The following SRM variants were observed in gnomAD, a reference collection of about 807,000 sequenced individuals.
SRM encodes spermidine synthase, also known as putrescine aminopropyltransferase.
A neutral mutation model predicts 39.3 loss-of-function variants in SRM; 14 were observed. That is an observed-to-expected ratio of 0.36 (90% CI 0.24 to 0.56). The LOEUF (loss-of-function observed/expected upper bound fraction) is 0.56, where lower values mean the gene tolerates loss of function less well. Ranked by LOEUF, SRM falls within the 20% of genes least tolerant of loss-of-function variation. The pLI is 0.86. For missense variants in SRM, 244 were observed against 409.2 expected (o/e 0.60, Z 3.48); for synonymous variants, 195 against 173.1 (o/e 1.13, Z -0.99).
chr1:11,059,922 G>T lies in SRM; in HGVS notation c.22C>A (p.Pro8Thr). 1 of 1,296,846 alleles carries T rather than the reference G, an allele frequency of 7.7e-7. No homozygotes were observed. The highest frequency in any genetic ancestry group is 9.8e-7 in the Non-Finnish European group (1 of 1,020,994). The allele number at this position is 1,296,846 out of a possible 1,614,324, so 80.3% of individuals were successfully genotyped here. A position where few individuals can be genotyped will look rare whatever the true frequency, so the allele number is the denominator to read the frequency against. The stretch of plus-strand genomic sequence containing the variant: ...ATGGCGGCGGGGCCGGAGGCGGCGG[G>T]GCCGTCGGGGCCGGGCTCCATGGCG... MEPGPDG[P>T]AASGPAAIRE... Residue 8 changes from proline (P) to threonine (T), a missense_variant, in exon 1 of 8, where the codon CCC becomes ACC. Pro to Thr is a conservative substitution (Grantham distance 38, BLOSUM62 -1). Coordinates refer to ENST00000376957, the MANE Select transcript of SRM (RefSeq NM_003132.3).
intron 3 of SRM, 122 bp downstream of exon 3, chr1:11,058,678 A>C (rs1557683604): frequency 1.2e-6 from 1 of 821,804 alleles, no homozygotes; most frequent in East Asian, 2.9e-5. Flanking sequence ...CTCCCCGACC[A>C]GGTGTTTTCC....
At position 11,056,106 on chromosome 1, in the gene SRM, A is replaced by G. The variant is rs1235039581; in HGVS notation, c.536-12T>C. On this transcript the variant is annotated splice_polypyrimidine_tract_variant and intron_variant, in intron 4 of 7. Coordinates refer to ENST00000376957, the MANE Select transcript of SRM (RefSeq NM_003132.3). ...ACTTTCGGCGGGGCCTGGGGAAGACAGAGGGAGACACACTGAACAGTCTGG... is the reference window on the plus strand; with the variant it reads ...ACTTTCGGCGGGGCCTGGGGAAGACGGAGGGAGACACACTGAACAGTCTGG... The G allele has an allele frequency of 6.2e-7, 1 of 1,600,464 alleles. No homozygotes were observed. The highest frequency in any genetic ancestry group is 2.2e-5 in the East Asian group (1 of 44,776).
At chr1:11,058,275 A>T (rs1253377412) in intron 3 of SRM, among the ~76,000 whole-genome samples, 1 of 150,732 alleles carries the variant, frequency 6.6e-6, no homozygotes, top group Non-Finnish European at 1.5e-5. Context: ...AAATCAGCTT[A>T]GTCGGCTGGG....
At chr1:11,057,662 C>G (rs1032661721) in intron 3 of SRM, among the ~76,000 whole-genome samples, 1 of 149,832 alleles carries the variant, frequency 6.7e-6, no homozygotes, top group Non-Finnish European at 1.5e-5. Flanking sequence ...TCAGCTCAAA[C>G]GCCACCTCCT....
chr1:11,059,083 T>G, intron 2 of SRM, 142 bp downstream of exon 2: 1 of 1,466,354 alleles, frequency 6.8e-7, no homozygotes, highest in Non-Finnish European at 9.3e-7. Context: ...GCCGCGTCAG[T>G]GTCGGCCCCC....
intron 6 of SRM, 27 bp downstream of exon 6, chr1:11,055,754 C>T (rs777149842): frequency 6.5e-7 from 1 of 1,529,234 alleles, no homozygotes; most frequent in Admixed American, 2.0e-5. Context: ...TCCCCCCAAC[C>T]CCCACCCCCA....
At chr1:11,059,628 C>T (rs751034966) in intron 1 of SRM, 149 bp downstream of exon 1, 40 of 1,052,030 alleles carry the variant, frequency 3.8e-5, no homozygotes, top group Non-Finnish European at 5.3e-5. Flanking sequence ...CCAGCCCCAG[C>T]CCAGGGAGGC....
At position 11,059,957 on chromosome 1, in the gene SRM, G is replaced by A. The variant is rs1310990344; in HGVS notation, c.-14C>T. ...GCCGGGCTCCATGGCGGGCGGGCGG[G>A]CGGCGCGGGGCGCGGGCCCGGGACT... On this transcript the variant is annotated 5_prime_UTR_variant, in exon 1 of 8. Transcript: ENST00000376957. 14 of 1,000,956 alleles carry A rather than the reference G, an allele frequency of 1.4e-5. No individual in the cohort carries two copies. Among genetic ancestry groups the A allele is most frequent in the Non-Finnish European group, 1.7e-5 (14 of 840,202 alleles). The allele number at this position is 1,000,956 out of a possible 1,614,324, so 62.0% of individuals were successfully genotyped here. A position where few individuals can be genotyped will look rare whatever the true frequency, so the allele number is the denominator to read the frequency against.
chr1:11,058,821 C>A lies in SRM; in HGVS notation c.360G>T (p.Val120=). The part of the protein sequence containing the change: ...EVVKHPSVES[V]VQCEIDEDVI... ...TCACCTCGTCGATCTCACACTGGAC[C>A]ACGGACTCCACGGAGGGGTGCTTCA... Residue 120 remains valine (V), a synonymous_variant, in exon 3 of 8, where the codon GTG becomes GTT. Coordinates refer to ENST00000376957, the MANE Select transcript of SRM (RefSeq NM_003132.3). 6.2e-7 allele frequency: 1 copy of A among 1,611,418 alleles called. No homozygotes were observed. Among genetic ancestry groups the A allele is most frequent in the East Asian group, 2.2e-5 (1 of 44,836 alleles).
Position 11,054,851 on chromosome 1 carries a change from G to A in SRM, c.*14C>T. On this transcript the variant is annotated 3_prime_UTR_variant, in exon 8 of 8. Coordinates refer to ENST00000376957, the MANE Select transcript of SRM (RefSeq NM_003132.3). The surrounding 1 kb of genome is among the most constrained non-coding windows in gnomAD (Gnocchi z 4.8). ...GTCCGAGGTCCTGGGTGGCATCAGT[G>A]GTGGCGCCTGGGCTCAGCTCACATC... 1 of 1,600,478 alleles carries A rather than the reference G, an allele frequency of 6.2e-7. No homozygotes were observed.
chr1:11,059,494 G>C, intron 1 of SRM, 149 bp from the exon 2 acceptor site: 1 of 1,387,826 alleles, frequency 7.2e-7, no homozygotes, highest in Admixed American at 2.0e-5. Context: ...AACGGCAGGC[G>C]GGCCGCCGGG....
Position 11,056,088 on chromosome 1 carries a change from G to T in SRM, c.542C>A (p.Ala181Asp). The T allele has an allele frequency of 1.9e-6, 3 of 1,610,272 alleles. No homozygotes were observed. Among genetic ancestry groups the T allele is most frequent in the Non-Finnish European group, 2.5e-6 (3 of 1,178,058 alleles). Residue 181 changes from alanine to aspartate, a missense_variant, in exon 5 of 8, where the codon GCC (alanine) becomes GAC (aspartate). Physicochemically the swap from Ala to Asp is moderately radical, Grantham distance 126. Transcript: ENST00000376957. ...ATAGGACTCCTTGAAGAGACTTTCGGCGGGGCCTGGGGAAGACAGAGGGAG... is the reference window on the plus strand; with the variant it reads ...ATAGGACTCCTTGAAGAGACTTTCGTCGGGGCCTGGGGAAGACAGAGGGAG... ...ITDSSDPMGP[A>D]ESLFKESYYQ...
In SRM at chr1:11,054,890, A is replaced by G; in HGVS notation, c.889-5T>C. ...TCAGCTCACATCATTCAGGGCCTGG[A>G]GGGACATGAGGCCAGTCAGGAGGGC... On this transcript the variant is annotated splice_polypyrimidine_tract_variant and splice_region_variant and intron_variant, in intron 7 of 7. Transcript: ENST00000376957. The surrounding 1 kb of genome is among the most constrained non-coding windows in gnomAD (Gnocchi z 4.8). The G allele has an allele frequency of 6.2e-7, 1 of 1,610,824 alleles. No homozygotes were observed. The highest frequency in any genetic ancestry group is 8.5e-7 in the Non-Finnish European group (1 of 1,179,280).
chr1:11,056,832 T>G (rs926944461), intron 3 of SRM, 75 bp from the exon 4 acceptor site: 1 of 1,520,676 alleles, frequency 6.6e-7, no homozygotes, highest in Non-Finnish European at 9.0e-7. Flanking sequence ...CGTGGGACTC[T>G]CCAAGTGCCT....
chr1:11,055,912 G>A lies in SRM; in HGVS notation c.634C>T (p.Leu212=). The change falls in exon 6 of 8, where the codon CTG becomes TTG. Residue 212 remains leucine, a synonymous_variant. Coordinates refer to ENST00000376957, the MANE Select transcript of SRM (RefSeq NM_003132.3). Reference sequence around the variant, plus strand: ...ATCTCCTTGATGAGGTCCAGGTGCAGCCACTGGCACTCGCCTGGGGGCCCC... The same window carrying A: ...ATCTCCTTGATGAGGTCCAGGTGCAACCACTGGCACTCGCCTGGGGGCCCC... The part of the protein sequence containing the change: ...VLCCQGECQW[L]HLDLIKEMRQ... The A allele has an allele frequency of 6.2e-7, 1 of 1,604,422 alleles. No homozygotes were observed. Among genetic ancestry groups the A allele is most frequent in the South Asian group, 1.1e-5 (1 of 90,426 alleles).
At position 11,059,835 on chromosome 1, in the gene SRM, C is replaced by G; in HGVS notation, c.109G>C (p.Val37Leu). ...CGCCGGTGGTGGAGCAGCTGCTCCACCTGCAGTGACAGGGCCTGGCCGGGC... is the reference window on the plus strand; with the variant it reads ...CGCCGGTGGTGGAGCAGCTGCTCCAGCTGCAGTGACAGGGCCTGGCCGGGC... ...LWPGQALSLQ[V>L]EQLLHHRRSR... is the part of the protein sequence containing the mutation. Residue 37 changes from valine to leucine, a missense_variant, in exon 1 of 8, where the codon GTG becomes CTG. Physicochemically the swap from Val to Leu is conservative, Grantham distance 32 (BLOSUM62 1). Coordinates refer to ENST00000376957, the MANE Select transcript of SRM (RefSeq NM_003132.3). The G allele has an allele frequency of 6.4e-7, 1 of 1,574,116 alleles. No individual in the cohort carries two copies. The highest frequency in any genetic ancestry group is 8.5e-7 in the Non-Finnish European group (1 of 1,169,960).
At chr1:11,055,256 C>T (rs183500431) in intron 6 of SRM, 172 bp from the exon 7 acceptor site, 75 of 973,460 alleles carry the variant, frequency 7.7e-5, no homozygotes, top group Non-Finnish European at 9.5e-5. Flanking sequence ...CGCGCCACCA[C>T]GCCCGGCTAA....
rs997957479 is a variant in SRM, at chr1:11,056,704, A to G, written c.435T>C (p.Ser145=). 11 of 1,614,206 alleles carry G rather than the reference A, an allele frequency of 6.8e-6. No homozygotes were observed. The highest frequency in any genetic ancestry group is 4.2e-6 in the Non-Finnish European group (5 of 1,180,030). Reference sequence around the variant, plus strand: ...CCACATGTAGGGTCAGCTTCGAGCTAGAGTAGCCAATGGCCATGCCTGGCA... The same window carrying G: ...CCACATGTAGGGTCAGCTTCGAGCTGGAGTAGCCAATGGCCATGCCTGGCA... ...KFLPGMAIGY[S]SSKLTLHVGD... The change falls in exon 4 of 8, where the codon TCT becomes TCC. Residue 145 remains serine, a synonymous_variant. Coordinates refer to ENST00000376957, the MANE Select transcript of SRM (RefSeq NM_003132.3).
At chr1:11,058,927 G>A (rs752559097) in intron 2 of SRM, 35 bp from the exon 3 acceptor site, 1 of 1,564,248 alleles carries the variant, frequency 6.4e-7, no homozygotes, top group Non-Finnish European at 8.7e-7. Flanking sequence ...AGGGGCCCTG[G>A]CAGGACTGGG....
Sources: allele counts gnomAD v4.1 joint callset (sites outside exome capture counted in the v4.1 genomes callset), GRCh38; gene constraint gnomAD v4.1.1; non-coding constraint Gnocchi (gnomAD v3.1); transcripts MANE v1.5; gene names NCBI Gene and HGNC (gene_info 2026-07-23, HGNC 2026-07-21).